Variants in PCDH9 observed in about 807,000 individuals in gnomAD.
PCDH9 encodes the protein protocadherin 9.
Under a neutral mutation model 70.6 loss-of-function variants are expected in PCDH9, and 24 were observed. That is an observed-to-expected ratio of 0.34 (90% CI 0.25 to 0.48). The LOEUF is 0.48. PCDH9 is among the 20% of genes least tolerant of loss of function. The pLI is 0.99. For missense variants in PCDH9, 1,281 were observed against 1,503.6 expected (o/e 0.85, Z 2.45); for synonymous variants, 562 against 558.5 (o/e 1.01, Z -0.09).
intron 3 of PCDH9, among the ~76,000 whole-genome samples, chr13:66,643,361 A>T (rs116646303): frequency 2.0e-3 from 308 of 152,134 alleles, no homozygotes; most frequent in African/African-American, 7.0e-3. Flanking sequence ...CGGGTAGAGG[A>T]GTCTTTGTTC....
rs116794236 is a variant in PCDH9 at position 66,631,861 on chromosome 13, A to G, written c.3139-450T>C. On this transcript the variant is annotated intron_variant, in intron 3 of 4. Transcript: ENST00000377865. ...GTTTTTAGGGTAACATTTGTAGTCA[A>G]CATATTTCCTACAGTACCACCTCCT... 3.5e-3 allele frequency among the ~76,000 whole-genome samples: 536 copies of G among 152,306 alleles called. 1 individual carries two copies. The highest frequency in any genetic ancestry group is 0.012 in the African/African-American group (514 of 41,564).
chr13:66,459,248 A>G (rs1958374599), intron 4 of PCDH9, among the ~76,000 whole-genome samples: 3 of 151,914 alleles, frequency 2.0e-5, no homozygotes, highest in African/African-American at 7.2e-5. Flanking sequence ...AAGCATGTAT[A>G]CTCATAGGTT....
At chr13:66,792,150 CTTG>C (rs2080173672) in intron 3 of PCDH9, among the ~76,000 whole-genome samples, 1 of 152,058 alleles carries the variant, frequency 6.6e-6, no homozygotes, top group East Asian at 1.9e-4. Context: ...AAACATTTTT[CTTG>C]TTGGTCAATC....
At chr13:66,347,580 C>T (rs980869367) in intron 4 of PCDH9, among the ~76,000 whole-genome samples, 1 of 152,174 alleles carries the variant, frequency 6.6e-6, no homozygotes, top group African/African-American at 2.4e-5. Context: ...CTTGTGCCTA[C>T]TGAATGTATT....
At chr13:66,876,583 T>C (rs531890328) in intron 3 of PCDH9, among the ~76,000 whole-genome samples, 1 of 152,280 alleles carries the variant, frequency 6.6e-6, no homozygotes, top group African/African-American at 2.4e-5. Context: ...GTTTTTGTTT[T>C]GTAGACATGA....
At chr13:66,681,302 A>G (rs1305249015) in intron 3 of PCDH9, among the ~76,000 whole-genome samples, 6 of 152,118 alleles carry the variant, frequency 3.9e-5, no homozygotes, top group Non-Finnish European at 7.4e-5. Flanking sequence ...ATATGGTTCT[A>G]AAGTATTCAT....
intron 4 of PCDH9, among the ~76,000 whole-genome samples, chr13:66,355,144 C>A (rs80175663): frequency 0.016 from 2,497 of 152,102 alleles, 63 homozygotes; most frequent in African/African-American, 0.057. Context: ...TAGTTTCTCA[C>A]CTTAGTAATG....
intron 4 of PCDH9, among the ~76,000 whole-genome samples, chr13:66,589,523 C>T (rs75636040): frequency 0.058 from 8,831 of 151,948 alleles, 324 homozygotes; most frequent in South Asian, 0.1. Flanking sequence ...AAGTATAGAG[C>T]GGAATCTCAT....
At chr13:66,479,912 C>T (rs560885093) in intron 4 of PCDH9, among the ~76,000 whole-genome samples, 23 of 152,186 alleles carry the variant, frequency 1.5e-4, no homozygotes, top group Non-Finnish European at 3.1e-4. Flanking sequence ...CCACCCCAGC[C>T]GGCAGTGGCA....
At chr13:67,159,846 A>T (rs2087909217) in intron 2 of PCDH9, among the ~76,000 whole-genome samples, 1 of 152,232 alleles carries the variant, frequency 6.6e-6, no homozygotes. Context: ...TAAAGAAGCA[A>T]CTAAACTATG....
chr13:66,353,359 C>A (rs1287648872), intron 4 of PCDH9, among the ~76,000 whole-genome samples: 2 of 152,076 alleles, frequency 1.3e-5, no homozygotes, highest in Non-Finnish European at 2.9e-5. Context: ...TAAGACATAT[C>A]CATTGCTAGC....
intron 3 of PCDH9, among the ~76,000 whole-genome samples, chr13:66,728,328 A>G (rs1367461612): frequency 1.3e-5 from 2 of 152,136 alleles, no homozygotes; most frequent in African/African-American, 4.8e-5. Context: ...CTCATTCAAC[A>G]TATACATTTT....
At chr13:67,041,351 C>A (rs1358197719) in intron 2 of PCDH9, among the ~76,000 whole-genome samples, 1 of 152,052 alleles carries the variant, frequency 6.6e-6, no homozygotes, top group Non-Finnish European at 1.5e-5. Flanking sequence ...AAAGTGAAAC[C>A]ATGGATAAGG....
intron 3 of PCDH9, among the ~76,000 whole-genome samples, chr13:66,817,133 A>G (rs1313525081): frequency 6.6e-6 from 1 of 152,186 alleles, no homozygotes; most frequent in Non-Finnish European, 1.5e-5. Flanking sequence ...GTATATGGGA[A>G]GATGTGTAAG....
intron 2 of PCDH9, chr13:67,200,908 C>T (rs1219029663): frequency 1.3e-5 from 2 of 152,032 alleles, no homozygotes; most frequent in Non-Finnish European, 2.9e-5. Flanking sequence ...CATGTTTTCA[C>T]TCATCATTTT....
intron 3 of PCDH9, among the ~76,000 whole-genome samples, chr13:66,772,620 G>T (rs1487627035): frequency 6.6e-6 from 1 of 151,868 alleles, no homozygotes; most frequent in East Asian, 1.9e-4. Context: ...CCATAACATG[G>T]TATGAATCTT....
chr13:66,569,327 A>AT (rs765186254), intron 4 of PCDH9, among the ~76,000 whole-genome samples: 1 of 152,002 alleles, frequency 6.6e-6, no homozygotes, highest in African/African-American at 2.4e-5. Context: ...CAAAAGTGTC[A>AT]TTTTAAAACA....
At chr13:67,002,844 C>T (rs1403878971) in intron 2 of PCDH9, among the ~76,000 whole-genome samples, 3 of 151,822 alleles carry the variant, frequency 2.0e-5, no homozygotes, top group African/African-American at 7.3e-5. Flanking sequence ...TTGACCAGTC[C>T]ATTAATTATC....
At chr13:67,095,936 G>A (rs1181446069) in intron 2 of PCDH9, among the ~76,000 whole-genome samples, 1 of 152,120 alleles carries the variant, frequency 6.6e-6, no homozygotes, top group East Asian at 1.9e-4. Flanking sequence ...ATTTCCCCAT[G>A]CCAAGGCTGA....
Sources: allele counts gnomAD v4.1 joint callset (sites outside exome capture counted in the v4.1 genomes callset), GRCh38; gene constraint gnomAD v4.1.1; transcripts MANE v1.5; gene names NCBI Gene and HGNC (gene_info 2026-07-23, HGNC 2026-07-21).